Variants in ZC3H14 observed in about 807,000 individuals in gnomAD.
ZC3H14 encodes zinc finger CCCH domain-containing protein 14.
ZC3H14 carries 31 observed loss-of-function variants against 92.4 expected under a neutral mutation model. That is an observed-to-expected ratio of 0.34 (90% CI 0.25 to 0.45). The LOEUF (loss-of-function observed/expected upper bound fraction) is 0.45. ZC3H14 is among the 20% of genes least tolerant of loss of function. The probability of loss-of-function intolerance (pLI) is 1.00; values close to 1 mark genes in which losing one functional copy is unlikely to be tolerated. For missense variants in ZC3H14, 781 were observed against 897.3 expected (o/e 0.87, Z 1.66); for synonymous variants, 321 against 300.9 (o/e 1.07, Z -0.69).
Position 88,611,822 on chromosome 14 carries a change from G to C in ZC3H14, c.*71G>C. On this transcript the variant is annotated 3_prime_UTR_variant, in exon 17 of 17. Transcript: ENST00000251038. ...ATGTACTGATGAAAGATACTCTACAGAACTTGTCAAATCTTTGAAACTTGG... is the reference window on the plus strand; with the variant it reads ...ATGTACTGATGAAAGATACTCTACACAACTTGTCAAATCTTTGAAACTTGG... 1 of 1,598,802 alleles carries C rather than the reference G, an allele frequency of 6.3e-7. No homozygotes were observed. Among genetic ancestry groups the C allele is most frequent in the Non-Finnish European group, 8.6e-7 (1 of 1,168,594 alleles).
chr14:88,607,343 T>A lies in ZC3H14; in HGVS notation c.1848T>A (p.His616Gln). The A allele has an allele frequency of 6.2e-7, 1 of 1,613,328 alleles. No individual in the cohort carries two copies. The highest frequency in any genetic ancestry group is 8.5e-7 in the Non-Finnish European group (1 of 1,179,726). The change falls in exon 13 of 17, where the codon CAT becomes CAA. Residue 616 changes from histidine to glutamine, a missense_variant. His to Gln is a conservative substitution (Grantham distance 24). This residue lies in a region of ZC3H14 where 221 missense variants were observed against 304.7 expected (regional missense o/e 0.73). Coordinates refer to ENST00000251038, the MANE Select transcript of ZC3H14 (RefSeq NM_024824.5). ...AAAATGGGGATGAGTGTGCCTACCA[T>A]CACCCCATCTCACCCTGCAAGTGAG... The part of the protein sequence containing the change: ...ACKNGDECAY[H>Q]HPISPCKAFP...
chr14:88,586,125 G>A (rs776836462), intron 9 of ZC3H14, among the ~76,000 whole-genome samples: 6 of 152,168 alleles, frequency 3.9e-5, no homozygotes, highest in Non-Finnish European at 7.3e-5. Context: ...CTGAGATTGC[G>A]CCGCTGCACT....
chr14:88,609,821 CTCAAA>C lies in ZC3H14; in HGVS notation c.2097+23_2097+27del. The stretch of plus-strand genomic sequence containing the variant: ...ATCCAAAAGTAAGAACTTCTATTTT[CTCAAA>C]TCAATTTAGTGACAACATCTCAATT... On this transcript the variant is annotated intron_variant, in intron 15 of 16. Transcript: ENST00000251038. 14 of 1,609,684 alleles carry C rather than the reference CTCAAA, an allele frequency of 8.7e-6. No individual in the cohort carries two copies. Among genetic ancestry groups the C allele is most frequent in the Non-Finnish European group, 1.2e-5 (14 of 1,175,974 alleles).
In ZC3H14 at chr14:88,572,642, G is replaced by A; in HGVS notation, c.496G>A (p.Ala166Thr). The part of the protein sequence containing the change: ...MSTVKPLREP[A>T]PSEDVIDIKP... ...AACAGTGAAACCTTTGAGGGAGCCA[G>A]CACCCTCTGAAGATGTGATTGATAT... is the stretch of plus-strand genomic sequence containing the variant. The change falls in exon 6 of 17, where the codon GCA becomes ACA. Residue 166 changes from alanine to threonine, a missense_variant. Transcript: ENST00000251038. 6.2e-7 allele frequency: 1 copy of A among 1,614,180 alleles called. No individual in the cohort carries two copies. Among genetic ancestry groups the A allele is most frequent in the South Asian group, 1.1e-5 (1 of 91,088 alleles).
Position 88,583,079 on chromosome 14 carries a change from AT to A in ZC3H14, c.1279+4954del, listed in dbSNP as rs34990579. ...TAACAACATTATTCTGGCTTTATTG[AT>A]TTTTTTTTTTTTTTGGTGTTTTTGT... On this transcript the variant is annotated intron_variant, in intron 9 of 16. Transcript: ENST00000251038. Among the ~76,000 whole-genome samples, 1,060 of 129,312 alleles carry A rather than the reference AT, an allele frequency of 8.2e-3. 20 individuals are homozygous for A. The highest frequency in any genetic ancestry group is 0.058 in the South Asian group (237 of 4,114). 84.8% of individuals were successfully genotyped at this position (129,312 alleles called of 152,430 possible).
chr14:88,595,497 G>A (rs2083687203), intron 9 of ZC3H14, among the ~76,000 whole-genome samples: 1 of 152,188 alleles, frequency 6.6e-6, no homozygotes, highest in African/African-American at 2.4e-5. Flanking sequence ...CATTCTTCCT[G>A]TAACTTTTCA....
At chr14:88,607,419 C>T in intron 13 of ZC3H14, 56 bp downstream of exon 13, 1 of 1,495,192 alleles carries the variant, frequency 6.7e-7, no homozygotes, top group African/African-American at 1.5e-5. Flanking sequence ...CCCATCTCAC[C>T]CTGCAAGTAC....
At position 88,618,040 on chromosome 14, in the gene ZC3H14, C is replaced by A; in HGVS notation, c.*6289C>A. On this transcript the variant is annotated 3_prime_UTR_variant, in exon 17 of 17. Transcript: ENST00000251038. ...AAAAAAACTTGATAAATCATGGAAA[C>A]TGATAAAACATGGAAATATATTCAA... The A allele has an allele frequency of 7.8e-6, 3 of 382,684 alleles. No individual in the cohort carries two copies. The highest frequency in any genetic ancestry group is 4.0e-5 in the East Asian group (1 of 25,062). 23.7% of individuals were successfully genotyped at this position (382,684 alleles called of 1,614,324 possible). A position where few individuals can be genotyped will look rare whatever the true frequency, so the allele number is the denominator to read the frequency against.
chr14:88,600,061 A>G (rs2084388637), intron 10 of ZC3H14, among the ~76,000 whole-genome samples: 1 of 152,218 alleles, frequency 6.6e-6, no homozygotes. Context: ...TGAATTTTCT[A>G]CTTCCTCTTA....
At chr14:88,565,836 A>G (rs2079498232) in intron 2 of ZC3H14, among the ~76,000 whole-genome samples, 1 of 151,966 alleles carries the variant, frequency 6.6e-6, no homozygotes, top group African/African-American at 2.4e-5. Flanking sequence ...ATATATAAAA[A>G]TATGAAACAA....
Position 88,602,012 on chromosome 14 carries a change from A to G in ZC3H14, c.1443A>G (p.Ala481=), listed in dbSNP as rs1289134320. The G allele has an allele frequency of 6.2e-7, 1 of 1,614,212 alleles. No individual in the cohort carries two copies. Among genetic ancestry groups the G allele is most frequent in the African/African-American group, 1.3e-5 (1 of 75,066 alleles). The change falls in exon 11 of 17, where the codon GCA becomes GCG. Residue 481 remains alanine, a synonymous_variant. Transcript: ENST00000251038. Reference sequence around the variant, plus strand: ...AGCTGTCTGAGGAAGTAGTAGTGGCACCAAACCAAGAGTCGGGGATGAAGA... The same window carrying G: ...AGCTGTCTGAGGAAGTAGTAGTGGCGCCAAACCAAGAGTCGGGGATGAAGA... ...KPKLSEEVVV[A]PNQESGMKTA...
chr14:88,591,715 A>G (rs1049086340), intron 9 of ZC3H14: 5 of 152,180 alleles, frequency 3.3e-5, no homozygotes, highest in Admixed American at 3.3e-4. Flanking sequence ...CATTTCTTAT[A>G]TCTGTGAACA....
In ZC3H14 at chr14:88,627,286, A is replaced by G. The variant is rs997550404; in HGVS notation, c.*15535A>G. ...GTAAATGTTTTGTCTAAAGTGTGGT[A>G]GGTAATATTATCCTGCTGATCTGCC... is the stretch of plus-strand genomic sequence containing the variant. On this transcript the variant is annotated 3_prime_UTR_variant, in exon 17 of 17. Transcript: ENST00000251038. 15 of 543,974 alleles carry G rather than the reference A, an allele frequency of 2.8e-5. No homozygotes were observed. Among genetic ancestry groups the G allele is most frequent in the Non-Finnish European group, 4.9e-5 (15 of 307,054 alleles). 33.7% of individuals were successfully genotyped at this position (543,974 alleles called of 1,614,324 possible).
Position 88,618,075 on chromosome 14 carries a change from G to T in ZC3H14, c.*6324G>T. 2 of 459,520 alleles carry T rather than the reference G, an allele frequency of 4.4e-6. No individual in the cohort carries two copies. The highest frequency in any genetic ancestry group is 7.6e-6 in the Non-Finnish European group (2 of 264,238). The allele number at this position is 459,520 out of a possible 1,614,324, so 28.5% of individuals were successfully genotyped here. A position where few individuals can be genotyped will look rare whatever the true frequency, so the allele number is the denominator to read the frequency against. ...ATGGAAATATATTCAATAAAAAGGGGTCCCAACATGAACATACCATTTCAA... is the reference window on the plus strand; with the variant it reads ...ATGGAAATATATTCAATAAAAAGGGTTCCCAACATGAACATACCATTTCAA... On this transcript the variant is annotated 3_prime_UTR_variant, in exon 17 of 17. Coordinates refer to ENST00000251038, the MANE Select transcript of ZC3H14 (RefSeq NM_024824.5).
At chr14:88,611,320 T>C (rs894379107) in intron 16 of ZC3H14, among the ~76,000 whole-genome samples, 5 of 152,144 alleles carry the variant, frequency 3.3e-5, no homozygotes, top group African/African-American at 1.2e-4. Context: ...CTTGAACTCC[T>C]GAGCTGAAGC....
chr14:88,594,588 T>C, intron 9 of ZC3H14: 2 of 1,538,828 alleles, frequency 1.3e-6, no homozygotes, highest in Non-Finnish European at 1.7e-6. Flanking sequence ...TGTTATTTGC[T>C]CTTAATACGT....
At chr14:88,571,364 C>G (rs1322316896) in intron 4 of ZC3H14, among the ~76,000 whole-genome samples, 2 of 151,778 alleles carry the variant, frequency 1.3e-5, no homozygotes, top group African/African-American at 4.8e-5. Context: ...CATATATGTG[C>G]AAAGATTTAG....
Position 88,609,338 on chromosome 14 carries a change from G to A in ZC3H14, c.1940G>A (p.Cys647Tyr), listed in dbSNP as rs2086151624. The A allele has an allele frequency of 6.2e-7, 1 of 1,614,018 alleles. No homozygotes were observed. Among genetic ancestry groups the A allele is most frequent in the Non-Finnish European group, 8.5e-7 (1 of 1,179,976 alleles). The change falls in exon 14 of 17, where the codon TGT (cysteine) becomes TAT (tyrosine). Residue 647 changes from cysteine (C) to tyrosine (Y), a missense_variant. Cys to Tyr is a radical substitution (Grantham distance 194). Coordinates refer to ENST00000251038, the MANE Select transcript of ZC3H14 (RefSeq NM_024824.5). The stretch of plus-strand genomic sequence containing the variant: ...CCAAATTGTAAATATGATGCAAAGT[G>A]TACTAAACCAGATTGTCCCTTCACT... The part of the protein sequence containing the change: ...VHPNCKYDAK[C>Y]TKPDCPFTHV...
chr14:88,577,070 C>T (rs565358324), intron 8 of ZC3H14, among the ~76,000 whole-genome samples: 15 of 152,234 alleles, frequency 9.9e-5, no homozygotes, highest in African/African-American at 2.9e-4. Flanking sequence ...GCTGGGATTA[C>T]AAGCGTGAGC....
Sources: allele counts gnomAD v4.1 joint callset (sites outside exome capture counted in the v4.1 genomes callset), GRCh38; gene constraint gnomAD v4.1.1; regional missense constraint gnomAD v4.1.1; transcripts MANE v1.5; gene names NCBI Gene and HGNC (gene_info 2026-07-23, HGNC 2026-07-21).